Variants in SLC24A2 observed in about 807,000 individuals in gnomAD.
SLC24A2 encodes solute carrier family 24 member 2.
Under a neutral mutation model 62.0 loss-of-function variants are expected in SLC24A2, and 36 were observed. That is an observed-to-expected ratio of 0.58 (90% CI 0.44 to 0.77). SLC24A2 has a LOEUF of 0.77. Ranked by LOEUF, SLC24A2 falls within the 30% of genes least tolerant of loss-of-function variation. The pLI, the probability that SLC24A2 is intolerant of heterozygous loss-of-function variation, is 0.00. For synonymous variants in SLC24A2, 358 were observed against 294.0 expected (o/e 1.22, Z -2.23); for missense variants, 846 against 817.9 (o/e 1.03, Z -0.42).
the SLC24A2 span, among the ~76,000 whole-genome samples, chr9:20,091,189 C>T: frequency 8.0e-5 from 12 of 150,436 alleles, no homozygotes; most frequent in South Asian, 8.7e-4. Flanking sequence ...ACAAAACCTC[C>T]GAGAAATATG....
At chr9:20,087,959 C>G in the SLC24A2 span, among the ~76,000 whole-genome samples, 2 of 152,212 alleles carry the variant, frequency 1.3e-5, no homozygotes, top group Non-Finnish European at 2.9e-5. Context: ...TCCCACAGAT[C>G]TTTGCAACCC....
At chr9:19,909,995 T>C in the SLC24A2 span, among the ~76,000 whole-genome samples, 9 of 152,246 alleles carry the variant, frequency 5.9e-5, no homozygotes, top group African/African-American at 2.2e-4. Context: ...CTCAAAATAA[T>C]ATTTATTGAG....
chr9:19,876,368 G>A, the SLC24A2 span, among the ~76,000 whole-genome samples: 632 of 60,496 alleles, frequency 0.01, 4 homozygotes, highest in African/African-American at 0.057. Flanking sequence ...TTGAAGGCGT[G>A]TGTGTGTGTG....
chr9:19,767,419 G>T (rs1432752946), intron 2 of SLC24A2, among the ~76,000 whole-genome samples: 1 of 152,178 alleles, frequency 6.6e-6, no homozygotes, highest in Middle Eastern at 3.2e-3. Flanking sequence ...TGAAACCCAG[G>T]GCCCTTGTGG....
chr9:20,074,830 C>T, the SLC24A2 span, among the ~76,000 whole-genome samples: 2 of 152,026 alleles, frequency 1.3e-5, no homozygotes, highest in Non-Finnish European at 2.9e-5. Context: ...AATAATGCTT[C>T]TATTTTTCTA....
intron 8 of SLC24A2, among the ~76,000 whole-genome samples, chr9:19,539,300 G>C (rs1381933570): frequency 8.6e-6 from 1 of 116,742 alleles, no homozygotes; most frequent in African/African-American, 3.4e-5. Flanking sequence ...TGATGTTAGG[G>C]TGTCAATTTT....
At chr9:19,748,974 G>T (rs1488011257) in intron 2 of SLC24A2, among the ~76,000 whole-genome samples, 1 of 151,430 alleles carries the variant, frequency 6.6e-6, no homozygotes, top group Non-Finnish European at 1.5e-5. Flanking sequence ...CTTCTCTCTA[G>T]AGACCTTGAA....
the SLC24A2 span, among the ~76,000 whole-genome samples, chr9:20,266,326 C>T: frequency 6.6e-6 from 1 of 152,100 alleles, no homozygotes. Context: ...TGTACTCTGT[C>T]CCTTTATTTC....
chr9:19,820,912 C>T, the SLC24A2 span, among the ~76,000 whole-genome samples: 2 of 152,094 alleles, frequency 1.3e-5, no homozygotes, highest in South Asian at 4.1e-4. Context: ...GAAGCAGACA[C>T]ATTTTAGACC....
chr9:19,592,107 T>C (rs1836569784), intron 5 of SLC24A2, among the ~76,000 whole-genome samples: 1 of 152,248 alleles, frequency 6.6e-6, no homozygotes, highest in African/African-American at 2.4e-5. Flanking sequence ...CAATGTGACC[T>C]TAAGATACTT....
At chr9:20,154,005 T>A in the SLC24A2 span, among the ~76,000 whole-genome samples, 1 of 151,886 alleles carries the variant, frequency 6.6e-6, no homozygotes, top group African/African-American at 2.4e-5. Flanking sequence ...TGTGCAACTG[T>A]ATACCCCAGA....
the SLC24A2 span, chr9:19,927,289 G>A: frequency 0.87 from 131,691 of 152,238 alleles, 59,950 homozygotes; most frequent in East Asian, 1. Flanking sequence ...AAGTTCTCTC[G>A]CACTCTATCC....
intron 7 of SLC24A2, among the ~76,000 whole-genome samples, chr9:19,570,865 T>A (rs1344780951): frequency 6.6e-6 from 1 of 152,154 alleles, no homozygotes; most frequent in Non-Finnish European, 1.5e-5. Flanking sequence ...GGTCACCTGA[T>A]TGCTCTTGAG....
At chr9:20,224,206 T>A in the SLC24A2 span, among the ~76,000 whole-genome samples, 1 of 151,774 alleles carries the variant, frequency 6.6e-6, no homozygotes, top group East Asian at 1.9e-4. Context: ...CAGAGATGAA[T>A]AAAGCTCTAA....
At chr9:19,561,578 G>A (rs932320793) in intron 7 of SLC24A2, among the ~76,000 whole-genome samples, 1 of 151,680 alleles carries the variant, frequency 6.6e-6, no homozygotes, top group East Asian at 2.0e-4. Flanking sequence ...GGGACTACAG[G>A]TGCGTGCCAC....
At chr9:20,071,443 T>G in the SLC24A2 span, among the ~76,000 whole-genome samples, 2 of 152,176 alleles carry the variant, frequency 1.3e-5, no homozygotes, top group Non-Finnish European at 2.9e-5. Flanking sequence ...TGGTGAGACT[T>G]TGAGCTCGGG....
the SLC24A2 span, among the ~76,000 whole-genome samples, chr9:20,060,603 A>G: frequency 1.3e-5 from 2 of 152,188 alleles, no homozygotes; most frequent in Non-Finnish European, 2.9e-5. Context: ...ACACTGATTC[A>G]TGATGAAAAT....
chr9:19,964,136 G>C, the SLC24A2 span, among the ~76,000 whole-genome samples: 24 of 145,792 alleles, frequency 1.6e-4, no homozygotes, highest in African/African-American at 6.1e-4. Context: ...ACCAAACACC[G>C]CATGTTCTCA....
intron 2 of SLC24A2, among the ~76,000 whole-genome samples, chr9:19,751,723 C>T (rs1821991242): frequency 6.6e-6 from 1 of 152,166 alleles, no homozygotes; most frequent in Non-Finnish European, 1.5e-5. Flanking sequence ...ACCAGGCTCA[C>T]CTGATATGCC....
Sources: allele counts gnomAD v4.1 joint callset (sites outside exome capture counted in the v4.1 genomes callset), GRCh38; gene constraint gnomAD v4.1.1; transcripts MANE v1.5; gene names NCBI Gene and HGNC (gene_info 2026-07-23, HGNC 2026-07-21).